The following SORCS1 variants were observed in gnomAD, a reference collection of about 807,000 sequenced individuals.
SORCS1 encodes sortilin related VPS10 domain containing receptor 1, also known as VPS10 domain-containing receptor SorCS1.
Under a neutral mutation model 146.1 loss-of-function variants are expected in SORCS1, and 60 were observed. The observed-to-expected ratio is 0.41, with a 90% CI of 0.33 to 0.51. SORCS1 has a LOEUF of 0.51. SORCS1 is among the 20% of genes least tolerant of loss of function. The pLI is 0.21. For synonymous variants in SORCS1, 637 were observed against 584.0 expected (o/e 1.09, Z -1.31); for missense variants, 1,352 against 1,487.6 (o/e 0.91, Z 1.50).
chr10:107,001,980 A>G (rs1957242040), intron 1 of SORCS1, among the ~76,000 whole-genome samples: 1 of 152,178 alleles, frequency 6.6e-6, no homozygotes, highest in Admixed American at 6.6e-5. Flanking sequence ...GGGTTCTTAC[A>G]GTAGTAATGT....
chr10:106,653,751 A>T (rs1850063009), intron 17 of SORCS1, among the ~76,000 whole-genome samples: 1 of 152,206 alleles, frequency 6.6e-6, no homozygotes, highest in African/African-American at 2.4e-5. Context: ...TGCTTATCTC[A>T]TATGTTAAAT....
intron 3 of SORCS1, among the ~76,000 whole-genome samples, chr10:106,786,799 C>A (rs1024337844): frequency 6.6e-6 from 1 of 152,062 alleles, no homozygotes; most frequent in Non-Finnish European, 1.5e-5. Flanking sequence ...TTATTATATT[C>A]AATATGAATT....
intron 8 of SORCS1, among the ~76,000 whole-genome samples, chr10:106,700,674 A>G (rs1854074959): frequency 6.6e-6 from 1 of 152,150 alleles, no homozygotes; most frequent in African/African-American, 2.4e-5. Flanking sequence ...CATGTTCTCA[A>G]TCAAGCAGCA....
chr10:106,974,745 C>CCCT (rs2139261322), intron 1 of SORCS1, among the ~76,000 whole-genome samples: 1 of 152,252 alleles, frequency 6.6e-6, no homozygotes, highest in Non-Finnish European at 1.5e-5. Flanking sequence ...GAAAGAAGGA[C>CCCT]CCTGGTACTC....
chr10:106,851,702 T>C (rs538220526), intron 2 of SORCS1, among the ~76,000 whole-genome samples: 1 of 152,360 alleles, frequency 6.6e-6, no homozygotes, highest in South Asian at 2.1e-4. Context: ...TACATCTCCA[T>C]ATAAACTTTA....
chr10:106,592,054 G>T (rs1446125959), intron 24 of SORCS1, among the ~76,000 whole-genome samples: 2 of 152,136 alleles, frequency 1.3e-5, no homozygotes, highest in Non-Finnish European at 2.9e-5. Context: ...GCTGCCATCA[G>T]GTACTAAAAG....
intron 1 of SORCS1, among the ~76,000 whole-genome samples, chr10:107,027,507 T>C (rs1339866527): frequency 6.6e-6 from 1 of 152,128 alleles, no homozygotes; most frequent in Non-Finnish European, 1.5e-5. Flanking sequence ...AGCTAAGCAA[T>C]ATTCGCTCTG....
At chr10:106,590,441 A>T (rs1279853837) in intron 24 of SORCS1, among the ~76,000 whole-genome samples, 2 of 152,204 alleles carry the variant, frequency 1.3e-5, no homozygotes, top group Non-Finnish European at 1.5e-5. Context: ...GTGAAGAATA[A>T]GATGATAAAT....
intron 18 of SORCS1, among the ~76,000 whole-genome samples, chr10:106,646,721 T>C (rs139103532): frequency 1.1e-3 from 174 of 152,056 alleles, no homozygotes; most frequent in African/African-American, 3.8e-3. Context: ...TAAATGTTAG[T>C]ATTAGCTTTC....
At chr10:107,131,840 A>T (rs1282996889) in intron 1 of SORCS1, among the ~76,000 whole-genome samples, 1 of 152,218 alleles carries the variant, frequency 6.6e-6, no homozygotes, top group Non-Finnish European at 1.5e-5. Context: ...TCGTCAATCC[A>T]CTTTACAGAC....
rs140256780 is a variant in SORCS1, at chr10:106,678,289, T to G, written c.1741-885A>C. Among the ~76,000 whole-genome samples the G allele has an allele frequency of 6.2e-3, 943 of 152,286 alleles. 13 individuals carry two copies. The highest frequency in any genetic ancestry group is 0.021 in the African/African-American group (893 of 41,566). On this transcript the variant is annotated intron_variant, in intron 12 of 25. Transcript: ENST00000263054. ...TGGCTCTCTATTCTCCAGAGGAAGT[T>G]TACTTAGAATAGTCCAGGTTTCTAC... is the stretch of plus-strand genomic sequence containing the variant.
intron 2 of SORCS1, among the ~76,000 whole-genome samples, chr10:106,952,211 C>T (rs185397401): frequency 1.4e-4 from 21 of 152,274 alleles, no homozygotes; most frequent in African/African-American, 4.8e-4. Context: ...CGGTTAAAGC[C>T]TTCTTCCTTG....
At chr10:106,701,077 C>T (rs1854104568) in intron 8 of SORCS1, among the ~76,000 whole-genome samples, 2 of 152,202 alleles carry the variant, frequency 1.3e-5, no homozygotes, top group African/African-American at 4.8e-5. Context: ...AACCTATGCA[C>T]ATCCTCCTGT....
At chr10:106,970,044 C>T (rs1161082071) in intron 1 of SORCS1, 3 of 152,362 alleles carry the variant, frequency 2.0e-5, no homozygotes, top group African/African-American at 4.8e-5. Flanking sequence ...CCACCCTGAA[C>T]GCGTCCGTTC....
chr10:107,029,332 G>A (rs185787127), intron 1 of SORCS1, among the ~76,000 whole-genome samples: 20 of 152,266 alleles, frequency 1.3e-4, no homozygotes, highest in Admixed American at 1.2e-3. Context: ...CAGAAGAATG[G>A]GTTTACCTGT....
chr10:106,791,318 T>G (rs114316212), intron 3 of SORCS1, among the ~76,000 whole-genome samples: 1 of 152,252 alleles, frequency 6.6e-6, no homozygotes, highest in Non-Finnish European at 1.5e-5. Flanking sequence ...TTTTCACTAA[T>G]ATTATGATTA....
At chr10:106,864,648 T>G (rs1950158952) in intron 2 of SORCS1, among the ~76,000 whole-genome samples, 1 of 151,696 alleles carries the variant, frequency 6.6e-6, no homozygotes, top group South Asian at 2.1e-4. Flanking sequence ...CCACAACACA[T>G]CAGGATAAGA....
chr10:106,816,138 C>G (rs1947731957), intron 3 of SORCS1, among the ~76,000 whole-genome samples: 2 of 152,186 alleles, frequency 1.3e-5, no homozygotes, highest in South Asian at 4.1e-4. Flanking sequence ...CTTAGCACAA[C>G]AGAAGGTAGT....
At chr10:106,750,940 T>C (rs1213837600) in intron 5 of SORCS1, among the ~76,000 whole-genome samples, 1 of 148,050 alleles carries the variant, frequency 6.8e-6, no homozygotes, top group Non-Finnish European at 1.5e-5. Context: ...GGCGCCGTAG[T>C]CCCAGCTACT....
Sources: allele counts gnomAD v4.1 joint callset (sites outside exome capture counted in the v4.1 genomes callset), GRCh38; gene constraint gnomAD v4.1.1; transcripts MANE v1.5; gene names NCBI Gene and HGNC (gene_info 2026-07-23, HGNC 2026-07-21).